Variants in TBRG1 observed in about 807,000 individuals in gnomAD.
TBRG1 encodes the protein transforming growth factor beta regulator 1, also known as nuclear interactor of ARF and MDM2.
TBRG1 carries 31 observed loss-of-function variants against 44.0 expected under a neutral mutation model. That is an observed-to-expected ratio of 0.70 (90% CI 0.53 to 0.95). TBRG1 has a LOEUF of 0.95. TBRG1 is among the 40% of genes least tolerant of loss of function. The pLI, the probability that TBRG1 is intolerant of heterozygous loss-of-function variation, is 0.00. For missense variants in TBRG1, 487 were observed against 496.1 expected, an observed-to-expected ratio of 0.98 and a Z score of 0.18; for synonymous variants, 171 against 188.1, an observed-to-expected ratio of 0.91 and a Z score of 0.74.
intron 6 of TBRG1, 33 bp downstream of exon 6, chr11:124,630,518 A>AAGATCACT: frequency 6.8e-7 from 1 of 1,465,898 alleles, no homozygotes; most frequent in Non-Finnish European, 9.6e-7. Context: ...AACAGGCTAA[A>AAGATCACT]AGATCACTGT....
In TBRG1 at chr11:124,622,866, T is replaced by C; in HGVS notation, c.-218T>C. Reference sequence around the variant, plus strand: ...GACGTAACTTCCGGGAAGGGCTTACTTCCAAGACAGACACGGAAGTGCTGG... The same window carrying C: ...GACGTAACTTCCGGGAAGGGCTTACCTCCAAGACAGACACGGAAGTGCTGG... On this transcript the variant is annotated 5_prime_UTR_variant, in exon 1 of 9. Coordinates refer to ENST00000441174, the MANE Select transcript of TBRG1 (RefSeq NM_032811.3). 1.8e-6 allele frequency: 1 copy of C among 546,904 alleles called. No individual in the cohort carries two copies. The highest frequency in any genetic ancestry group is 1.9e-5 in the African/African-American group (1 of 52,142). The allele number at this position is 546,904 out of a possible 1,614,324, so 33.9% of individuals were successfully genotyped here. A position where few individuals can be genotyped will look rare whatever the true frequency, so the allele number is the denominator to read the frequency against.
rs1942584318 is a variant in TBRG1, at chr11:124,630,479, C to T, written c.830C>T (p.Thr277Ile). 1 of 1,610,494 alleles carries T rather than the reference C, an allele frequency of 6.2e-7. No individual in the cohort carries two copies. The highest frequency in any genetic ancestry group is 8.5e-7 in the Non-Finnish European group (1 of 1,176,700). ...GCAGAACTGCTCAGGACTATAAGCA[C>T]TACTATGTAAGTTGACCAAAAGCTT... is the stretch of plus-strand genomic sequence containing the variant. ...CHAELLRTISTTMGKLMPNLL... is the reference protein window; with the variant it reads ...CHAELLRTISITMGKLMPNLL... Residue 277 changes from threonine (T) to isoleucine (I), a missense_variant, in exon 6 of 9, where the codon ACT becomes ATT. Coordinates refer to ENST00000441174, the MANE Select transcript of TBRG1 (RefSeq NM_032811.3).
intron 1 of TBRG1, among the ~76,000 whole-genome samples, chr11:124,624,256 C>T (rs972194316): frequency 1.4e-5 from 2 of 147,862 alleles, no homozygotes; most frequent in Non-Finnish European, 1.5e-5. Flanking sequence ...GAAGAAAAAG[C>T]GATGTTGTTT....
intron 6 of TBRG1, 120 bp from the exon 7 acceptor site, chr11:124,630,625 G>A: frequency 1.0e-6 from 1 of 992,236 alleles, no homozygotes; most frequent in South Asian, 1.4e-5. Flanking sequence ...GCCAACTAGA[G>A]CCTCCACATT....
rs1942702276 is a variant in TBRG1 at position 124,635,295 on chromosome 11, A to C, written c.*3057A>C. 2 of 152,206 alleles carry C rather than the reference A, an allele frequency of 1.3e-5. No individual in the cohort carries two copies. Among genetic ancestry groups the C allele is most frequent in the Non-Finnish European group, 2.9e-5 (2 of 68,034 alleles). The allele number at this position is 152,206 out of a possible 1,614,324, so 9.4% of individuals were successfully genotyped here. A position where few individuals can be genotyped will look rare whatever the true frequency, so the allele number is the denominator to read the frequency against. Reference sequence around the variant, plus strand: ...AAGCATGGGCAATAGGGGTTAACTGAACGAGTTGAATGCTAGGAAGTCCTC... The same window carrying C: ...AAGCATGGGCAATAGGGGTTAACTGCACGAGTTGAATGCTAGGAAGTCCTC... On this transcript the variant is annotated 3_prime_UTR_variant, in exon 9 of 9. Transcript: ENST00000441174.
At chr11:124,628,547 A>C (rs1276958193) in intron 5 of TBRG1, among the ~76,000 whole-genome samples, 1 of 146,324 alleles carries the variant, frequency 6.8e-6, no homozygotes, top group Non-Finnish European at 1.5e-5. Context: ...AAAAACCCAC[A>C]GGCATTTCAC....
Position 124,634,021 on chromosome 11 carries a change from A to G in TBRG1, c.*1783A>G, listed in dbSNP as rs1942666542. ...CATATACTTGTATGAAGATATGTGT[A>G]AAATGTTTTTACTATGGATCATGGA... On this transcript the variant is annotated 3_prime_UTR_variant, in exon 9 of 9. Transcript: ENST00000441174. The G allele has an allele frequency of 6.6e-6, 1 of 152,252 alleles. No individual in the cohort carries two copies. The highest frequency in any genetic ancestry group is 1.5e-5 in the Non-Finnish European group (1 of 68,046). The allele number at this position is 152,252 out of a possible 1,614,324, so 9.4% of individuals were successfully genotyped here. A position where few individuals can be genotyped will look rare whatever the true frequency, so the allele number is the denominator to read the frequency against.
chr11:124,627,600 A>G (rs1942501819), intron 5 of TBRG1, among the ~76,000 whole-genome samples: 1 of 152,178 alleles, frequency 6.6e-6, no homozygotes, highest in South Asian at 2.1e-4. Flanking sequence ...TCGGAGTTCT[A>G]AGCTTCACTG....
In TBRG1 at chr11:124,630,991, C is replaced by T. The variant is rs1942597696; in HGVS notation, c.947+136C>T. On this transcript the variant is annotated intron_variant, in intron 7 of 8. Transcript: ENST00000441174. ...CTCGACCAGTAGGGCTCAGTATTGG[C>T]CCCCTTAGCCCTCTGGACAGGTAAG... The T allele has an allele frequency of 5.7e-6, 4 of 696,566 alleles. No individual in the cohort carries two copies. The Admixed American group carries it at 1.0e-4, about 18-fold the overall frequency. The allele number at this position is 696,566 out of a possible 1,614,324, so 43.1% of individuals were successfully genotyped here.
intron 8 of TBRG1, 48 bp from the exon 9 acceptor site, chr11:124,632,045 G>T: frequency 6.3e-7 from 1 of 1,592,994 alleles, no homozygotes; most frequent in Non-Finnish European, 8.6e-7. Flanking sequence ...AAAACAGTCT[G>T]CCCAGACTCC....
chr11:124,628,927 C>G (rs960673714), intron 5 of TBRG1, among the ~76,000 whole-genome samples: 1 of 151,956 alleles, frequency 6.6e-6, no homozygotes, highest in African/African-American at 2.4e-5. Flanking sequence ...TTAGAAATAG[C>G]CTAAATACCT....
intron 5 of TBRG1, among the ~76,000 whole-genome samples, chr11:124,628,538 A>AG (rs1942536935): frequency 6.7e-6 from 1 of 149,780 alleles, no homozygotes; most frequent in African/African-American, 2.4e-5. Context: ...AAAAAAAAAA[A>AG]AAACCCACAG....
intron 3 of TBRG1, 112 bp downstream of exon 3, chr11:124,626,015 T>C (rs1942460370): frequency 2.1e-6 from 3 of 1,407,944 alleles, no homozygotes; most frequent in Non-Finnish European, 2.8e-6. Flanking sequence ...GAGTCTCATC[T>C]GGTTCTTAAG....
chr11:124,632,019 A>G (rs563993724), intron 8 of TBRG1, 74 bp from the exon 9 acceptor site: 53 of 1,311,072 alleles, frequency 4.0e-5, no homozygotes, highest in Non-Finnish European at 5.5e-5. Flanking sequence ...TTGAAAGGAC[A>G]TGTATATGTC....
chr11:124,630,425 T>A lies in TBRG1; in HGVS notation c.776T>A (p.Ile259Asn). ...CCTGAAGATGACCCCCAGAATGCCA[T>A]TGTCAGCTCTTCTGCAGATGCTTGT... ...IVPEDDPQNAIVSSSADACHA... is the reference protein window; with the variant it reads ...IVPEDDPQNANVSSSADACHA... The change falls in exon 6 of 9, where the codon ATT becomes AAT. Residue 259 changes from isoleucine (I) to asparagine (N), a missense_variant. By Grantham distance (149) the Ile-to-Asn change is moderately radical (BLOSUM62 -3). Transcript: ENST00000441174. 3 of 1,613,872 alleles carry A rather than the reference T, an allele frequency of 1.9e-6. No homozygotes were observed. The highest frequency in any genetic ancestry group is 2.5e-6 in the Non-Finnish European group (3 of 1,179,776).
At chr11:124,630,674 C>A in intron 6 of TBRG1, 71 bp from the exon 7 acceptor site, 1 of 1,181,266 alleles carries the variant, frequency 8.5e-7, no homozygotes. Flanking sequence ...GTTCATACCA[C>A]TATTCTGTTC....
rs184829014 is a variant in TBRG1 at position 124,632,491 on chromosome 11, C to G, written c.*253C>G. 9.1e-5 allele frequency: 30 copies of G among 328,504 alleles called. 1 individual carries two copies. In the Admixed American group the frequency reaches 1.1e-3, roughly 12 times the overall value. The allele number at this position is 328,504 out of a possible 1,614,324, so 20.3% of individuals were successfully genotyped here. ...ATGTAATCTTTTTTGCTTAGCTCTG[C>G]CTGAGGTAAAGTAAACTTCAGCCTC... is the stretch of plus-strand genomic sequence containing the variant. On this transcript the variant is annotated 3_prime_UTR_variant, in exon 9 of 9. Transcript: ENST00000441174.
At position 124,624,879 on chromosome 11, in the gene TBRG1, A is replaced by T. The variant is rs1942425247; in HGVS notation, c.151-52A>T. On this transcript the variant is annotated intron_variant, in intron 1 of 8. Transcript: ENST00000441174. The stretch of plus-strand genomic sequence containing the variant: ...TATGGATCCTCTTCCCAGCATAATA[A>T]TGTGATTTTTTTATTCATTTTATGT... 7.7e-6 allele frequency: 9 copies of T among 1,165,492 alleles called. No homozygotes were observed. The South Asian group carries it at 1.1e-4, about 15-fold the overall frequency. The allele number at this position is 1,165,492 out of a possible 1,614,324, so 72.2% of individuals were successfully genotyped here.
intron 4 of TBRG1, 85 bp from the exon 5 acceptor site, chr11:124,626,819 A>C: frequency 6.5e-7 from 1 of 1,549,770 alleles, no homozygotes; most frequent in Non-Finnish European, 8.7e-7. Flanking sequence ...GCAGCCCCAA[A>C]GTGGTTCTAA....
Sources: gnomAD v4.1 joint callset for allele counts (sites outside exome capture counted in the v4.1 genomes callset) on GRCh38, gnomAD v4.1.1 for gene constraint, MANE v1.5 for transcripts, NCBI Gene and HGNC (gene_info 2026-07-23, HGNC 2026-07-21) for gene names.